The following SERTAD3 variants were observed in gnomAD, a reference collection of about 807,000 sequenced individuals.
SERTAD3 encodes SERTA domain-containing protein 3.
In SERTAD3, 6 loss-of-function variants were observed where a neutral mutation model predicts 11.9. The observed-to-expected ratio is 0.50, with a 90% CI of 0.28 to 0.99. The LOEUF (loss-of-function observed/expected upper bound fraction) is 0.99. SERTAD3 is among the 50% of genes least tolerant of loss of function. The pLI, the probability that SERTAD3 is intolerant of heterozygous loss-of-function variation, is 0.11. For synonymous variants in SERTAD3, 101 were observed against 98.9 expected, an observed-to-expected ratio of 1.02 and a Z score of -0.13; for missense variants, 261 against 240.9, an observed-to-expected ratio of 1.08 and a Z score of -0.55.
chr19:40,442,540 C>G (rs558140032), intron 1 of SERTAD3: 2 of 153,776 alleles, frequency 1.3e-5, no homozygotes, highest in African/African-American at 4.8e-5. Flanking sequence ...GGAAACTGCT[C>G]AGCTGCGTGA....
intron 1 of SERTAD3, chr19:40,443,717 C>G (rs1292024139): frequency 6.5e-6 from 1 of 153,818 alleles, no homozygotes; most frequent in Non-Finnish European, 1.5e-5. Flanking sequence ...CACCTCCAAA[C>G]TCGCTGTCCG....
Position 40,441,409 on chromosome 19 carries a change from A to C in SERTAD3, c.*81T>G. ...TAGTCACTGCTTCGAGCCCCCACAA[A>C]AACACACACCCAGAGTTGCATTCAG... On this transcript the variant is annotated 3_prime_UTR_variant, in exon 2 of 2. Transcript: ENST00000322354. The C allele has an allele frequency of 7.7e-7, 1 of 1,291,192 alleles. No individual in the cohort carries two copies. The highest frequency in any genetic ancestry group is 1.1e-6 in the Non-Finnish European group (1 of 927,562). The allele number at this position is 1,291,192 out of a possible 1,614,324, so 80.0% of individuals were successfully genotyped here.
At chr19:40,443,878 G>T (rs2079697251) in intron 1 of SERTAD3, 2 of 153,686 alleles carry the variant, frequency 1.3e-5, no homozygotes, top group South Asian at 2.1e-4. Flanking sequence ...TCCAGAACAC[G>T]ATAAAGCCCC....
intron 1 of SERTAD3, among the ~76,000 whole-genome samples, chr19:40,443,195 C>G (rs906843755): frequency 6.6e-6 from 1 of 152,058 alleles, no homozygotes; most frequent in Non-Finnish European, 1.5e-5. Flanking sequence ...TGGGTCCTTA[C>G]AGAGCATCCA....
rs539638300 is a variant in SERTAD3, at chr19:40,443,578, G to C, written c.-7+637C>G. The C allele has an allele frequency of 2.0e-5, 3 of 153,214 alleles. No individual in the cohort carries two copies. In the East Asian group the frequency reaches 5.8e-4, roughly 30 times the overall value. 9.5% of individuals were successfully genotyped at this position (153,214 alleles called of 1,614,324 possible). ...TCCTTCCAAACTGCCCTTGGATCCA[G>C]AGACCCAGATCCGAACACATCGCTC... is the stretch of plus-strand genomic sequence containing the variant. On this transcript the variant is annotated intron_variant, in intron 1 of 1. Transcript: ENST00000322354.
chr19:40,443,628 T>G lies in SERTAD3; in HGVS notation c.-7+587A>C, dbSNP rs149655380. ...CAAAGACGACAATGCTCCGATCTAGTTCGGGAGACTACGTATCCTAATTCT... is the reference window on the plus strand; with the variant it reads ...CAAAGACGACAATGCTCCGATCTAGGTCGGGAGACTACGTATCCTAATTCT... On this transcript the variant is annotated intron_variant, in intron 1 of 1. Transcript: ENST00000322354. 2.6e-5 allele frequency: 4 copies of G among 153,890 alleles called. No homozygotes were observed. The East Asian group carries it at 5.8e-4, about 22-fold the overall frequency. 9.5% of individuals were successfully genotyped at this position (153,890 alleles called of 1,614,324 possible).
chr19:40,443,034 G>A lies in SERTAD3; in HGVS notation c.-6-948C>T, dbSNP rs140402117. On this transcript the variant is annotated intron_variant, in intron 1 of 1. Transcript: ENST00000322354. ...TGGGAGCGCTCCCAAGAGTAGGAAA[G>A]GGGCCTGTCTCATTCCCTCTGCCCA... 1.7e-3 allele frequency among the ~76,000 whole-genome samples: 258 copies of A among 151,854 alleles called. 2 individuals carry two copies. The highest frequency in any genetic ancestry group is 5.1e-3 in the African/African-American group (212 of 41,416).
chr19:40,444,262 T>G lies in SERTAD3; in HGVS notation c.-54A>C, dbSNP rs1278350219. The G allele has an allele frequency of 1.3e-5, 2 of 152,340 alleles. No individual in the cohort carries two copies. The highest frequency in any genetic ancestry group is 2.9e-5 in the Non-Finnish European group (2 of 68,196). 9.4% of individuals were successfully genotyped at this position (152,340 alleles called of 1,614,324 possible). ...ACCACCTCCTGGAACGCCCACAGCG[T>G]TGCGACCCGCCAGTGCCAGGACCCA... On this transcript the variant is annotated 5_prime_UTR_variant, in exon 1 of 2. Transcript: ENST00000322354.
intron 1 of SERTAD3, 169 bp from the exon 2 acceptor site, chr19:40,442,255 G>C (rs531816726): frequency 4.7e-6 from 2 of 422,870 alleles, no homozygotes; most frequent in African/African-American, 4.1e-5. Flanking sequence ...GTTTAAGAAG[G>C]TGAGTACATA....
chr19:40,441,895 G>A lies in SERTAD3; in HGVS notation c.186C>T (p.Leu62=). The A allele has an allele frequency of 1.3e-6, 2 of 1,579,818 alleles. No homozygotes were observed. Among genetic ancestry groups the A allele is most frequent in the Non-Finnish European group, 1.7e-6 (2 of 1,163,448 alleles). ...GGCGAAGTGCAGCCTGCAGCTGTTGGAGGGTGTTATGGATGAGGACATGCC... is the reference window on the plus strand; with the variant it reads ...GGCGAAGTGCAGCCTGCAGCTGTTGAAGGGTGTTATGGATGAGGACATGCC... The part of the protein sequence containing the change: ...LRRHVLIHNT[L]QQLQAALRLA... The change falls in exon 2 of 2, where the codon CTC becomes CTT. Residue 62 remains leucine, a synonymous_variant. Coordinates refer to ENST00000322354, the MANE Select transcript of SERTAD3 (RefSeq NM_203344.3).
At chr19:40,442,111 G>A (rs752246133) in intron 1 of SERTAD3, 25 bp from the exon 2 acceptor site, 5 of 1,378,002 alleles carry the variant, frequency 3.6e-6, no homozygotes, top group African/African-American at 3.0e-5. Context: ...GGCGCATAGG[G>A]GAAGGTCAGA....
Position 40,441,879 on chromosome 19 carries a change from C to T in SERTAD3, c.202G>A (p.Ala68Thr). 1 of 1,577,390 alleles carries T rather than the reference C, an allele frequency of 6.3e-7. No homozygotes were observed. ...GCAGGGGCGGGAGCCAGGCGAAGTG[C>T]AGCCTGCAGCTGTTGGAGGGTGTTA... is the stretch of plus-strand genomic sequence containing the variant. Reference protein sequence around the residue: ...IHNTLQQLQAALRLAPAPALP... With the variant: ...IHNTLQQLQATLRLAPAPALP... The change falls in exon 2 of 2, where the codon GCA becomes ACA. Residue 68 changes from alanine to threonine, a missense_variant. Physicochemically the swap from Ala to Thr is moderately conservative, Grantham distance 58. Coordinates refer to ENST00000322354, the MANE Select transcript of SERTAD3 (RefSeq NM_203344.3).
At position 40,444,302 on chromosome 19, in the gene SERTAD3, G is replaced by A. The variant is rs1248016390; in HGVS notation, c.-94C>T. Reference sequence around the variant, plus strand: ...GCCAGGACCCACCAGTGACCGGTTGGAGCCTCGCTCACCTCGGCGGGGCCT... The same window carrying A: ...GCCAGGACCCACCAGTGACCGGTTGAAGCCTCGCTCACCTCGGCGGGGCCT... On this transcript the variant is annotated 5_prime_UTR_variant, in exon 1 of 2. Coordinates refer to ENST00000322354, the MANE Select transcript of SERTAD3 (RefSeq NM_203344.3). 1 of 149,524 alleles carries A rather than the reference G, an allele frequency of 6.7e-6. No homozygotes were observed. Among genetic ancestry groups the A allele is most frequent in the Admixed American group, 6.6e-5 (1 of 15,130 alleles). 9.3% of individuals were successfully genotyped at this position (149,524 alleles called of 1,614,324 possible).
rs370807148 is a variant in SERTAD3 at position 40,441,978 on chromosome 19, G to A, written c.103C>T (p.Arg35Cys). 2.6e-6 allele frequency: 4 copies of A among 1,553,590 alleles called. No homozygotes were observed. Among genetic ancestry groups the A allele is most frequent in the South Asian group, 1.2e-5 (1 of 81,316 alleles). ...GLQSYQQALL[R>C]ISLDKVQRSL... ...CGCTGGACTTTGTCTAGGGAGATGC[G>A]GAGCAGGGCTTGCTGGTAGCTCTGA... The change falls in exon 2 of 2, where the codon CGC becomes TGC. Residue 35 changes from arginine (R) to cysteine (C), a missense_variant. Coordinates refer to ENST00000322354, the MANE Select transcript of SERTAD3 (RefSeq NM_203344.3).
chr19:40,442,322 C>G, intron 1 of SERTAD3: 1 of 374,368 alleles, frequency 2.7e-6, no homozygotes, highest in Non-Finnish European at 4.7e-6. Flanking sequence ...ATCTCACTTA[C>G]TTGCCTGTTG....
chr19:40,441,690 G>C lies in SERTAD3; in HGVS notation c.391C>G (p.Pro131Ala), dbSNP rs1161497161. 1.2e-6 allele frequency: 2 copies of C among 1,614,070 alleles called. No individual in the cohort carries two copies. The highest frequency in any genetic ancestry group is 1.7e-6 in the Non-Finnish European group (2 of 1,180,036). Reference sequence around the variant, plus strand: ...GAGCTCAGAGCTTCTAAGAAGACTGGATCAGGCTGGGGTGGCACTTCATTC... The same window carrying C: ...GAGCTCAGAGCTTCTAAGAAGACTGCATCAGGCTGGGGTGGCACTTCATTC... ...LQNEVPPQPD[P>A]VFLEALSSRY... The change falls in exon 2 of 2, where the codon CCA becomes GCA. Residue 131 changes from proline to alanine, a missense_variant. Coordinates refer to ENST00000322354, the MANE Select transcript of SERTAD3 (RefSeq NM_203344.3).
chr19:40,442,804 C>T (rs2079688431), intron 1 of SERTAD3, among the ~76,000 whole-genome samples: 1 of 152,100 alleles, frequency 6.6e-6, no homozygotes, highest in East Asian at 1.9e-4. Context: ...GTCCTGGGCT[C>T]AAGCGATCCT....
At position 40,441,748 on chromosome 19, in the gene SERTAD3, G is replaced by A. The variant is rs1435508707; in HGVS notation, c.333C>T (p.Pro111=). The change falls in exon 2 of 2, where the codon CCC becomes CCT. Residue 111 remains proline (P), a synonymous_variant. Coordinates refer to ENST00000322354, the MANE Select transcript of SERTAD3 (RefSeq NM_203344.3). ...CAAGGGGAGTCACTGGATTCTGAGG[G>A]GGCTCAGTCCCATCCATGGAGGTGT... ...ELDTSMDGTE[P]PQNPVTPLGL... is the part of the protein sequence containing the mutation. 1 of 1,613,920 alleles carries A rather than the reference G, an allele frequency of 6.2e-7. No individual in the cohort carries two copies. The highest frequency in any genetic ancestry group is 8.5e-7 in the Non-Finnish European group (1 of 1,179,978).
rs575681541 is a variant in SERTAD3, at chr19:40,441,235, C to T, written c.*255G>A. The T allele has an allele frequency of 2.8e-5, 10 of 363,568 alleles. No homozygotes were observed. The South Asian group carries it at 3.7e-4, about 14-fold the overall frequency. 22.5% of individuals were successfully genotyped at this position (363,568 alleles called of 1,614,324 possible). On this transcript the variant is annotated 3_prime_UTR_variant, in exon 2 of 2. Coordinates refer to ENST00000322354, the MANE Select transcript of SERTAD3 (RefSeq NM_203344.3). ...TGGAAGAAATGTGTAAGTGGAAAAT[C>T]AGACTCCCAGAAACAGAGTCTCGTT...
Sources: allele counts gnomAD v4.1 joint callset (sites outside exome capture counted in the v4.1 genomes callset), GRCh38; gene constraint gnomAD v4.1.1; transcripts MANE v1.5; gene names NCBI Gene and HGNC (gene_info 2026-07-23, HGNC 2026-07-21).